Variants in LAPTM4A observed in about 807,000 individuals in gnomAD.
The protein encoded by LAPTM4A is lysosomal protein transmembrane 4 alpha, also known as lysosomal-associated transmembrane protein 4A.
In LAPTM4A, 19 loss-of-function variants were observed where a neutral mutation model predicts 29.9. The ratio of observed to expected loss-of-function variants is 0.64; its 90% CI spans 0.44 to 0.93. LAPTM4A has a LOEUF of 0.93. Ranked by LOEUF, LAPTM4A falls within the 40% of genes least tolerant of loss-of-function variation. The probability of loss-of-function intolerance (pLI) is 0.00; values close to 1 mark genes in which losing one functional copy is unlikely to be tolerated. For synonymous variants in LAPTM4A, 105 were observed against 102.1 expected, an observed-to-expected ratio of 1.03 and a Z score of -0.17; for missense variants, 293 against 288.5, an observed-to-expected ratio of 1.02 and a Z score of -0.11.
chr2:20,038,028 G>A (rs570294689), intron 2 of LAPTM4A, among the ~76,000 whole-genome samples: 1 of 152,154 alleles, frequency 6.6e-6, no homozygotes, highest in African/African-American at 2.4e-5. Flanking sequence ...AAAATATGAA[G>A]AAATGACACA....
chr2:20,041,530 G>T (rs190560286), intron 1 of LAPTM4A, among the ~76,000 whole-genome samples: 2 of 152,054 alleles, frequency 1.3e-5, no homozygotes, highest in African/African-American at 4.8e-5. Flanking sequence ...GTGTGTGTGT[G>T]TATGTGTATG....
chr2:20,047,779 A>G (rs1041386075), intron 1 of LAPTM4A, among the ~76,000 whole-genome samples: 1 of 152,106 alleles, frequency 6.6e-6, no homozygotes, highest in African/African-American at 2.4e-5. Context: ...AATGTTGTTA[A>G]TGGTTGAAGC....
intron 6 of LAPTM4A, among the ~76,000 whole-genome samples, 200 bp downstream of exon 6, chr2:20,034,117 A>G (rs1236643227): frequency 2.0e-5 from 3 of 152,156 alleles, no homozygotes; most frequent in African/African-American, 7.2e-5. Flanking sequence ...GCCAAACTGG[A>G]TGAGACAAGC....
chr2:20,047,945 T>C (rs889995886), intron 1 of LAPTM4A, among the ~76,000 whole-genome samples: 2 of 152,166 alleles, frequency 1.3e-5, no homozygotes, highest in African/African-American at 4.8e-5. Context: ...AAAACTTCCT[T>C]AGTTTAAGGA....
chr2:20,034,255 T>C (rs1673634635), intron 6 of LAPTM4A, 62 bp downstream of exon 6: 3 of 1,105,824 alleles, frequency 2.7e-6, no homozygotes, highest in Non-Finnish European at 4.2e-6. Flanking sequence ...AAGCTCCAGG[T>C]TCTTCTCCTG....
intron 1 of LAPTM4A, among the ~76,000 whole-genome samples, chr2:20,047,397 A>G (rs1229106831): frequency 2.1e-5 from 3 of 144,086 alleles, no homozygotes; most frequent in Non-Finnish European, 4.5e-5. Flanking sequence ...AAAAAAGAAA[A>G]AAAAAAAAAA....
chr2:20,033,024 C>G lies in LAPTM4A; in HGVS notation c.*181G>C. 1 of 582,972 alleles carries G rather than the reference C, an allele frequency of 1.7e-6. No individual in the cohort carries two copies. The highest frequency in any genetic ancestry group is 1.9e-5 in the African/African-American group (1 of 53,710). The allele number at this position is 582,972 out of a possible 1,614,324, so 36.1% of individuals were successfully genotyped here. ...AACTATTAAAATGTAAAAGACTTAA[C>G]AAAAAAACAAAAAGACGTTTAACAG... On this transcript the variant is annotated 3_prime_UTR_variant, in exon 7 of 7. Coordinates refer to ENST00000175091, the MANE Select transcript of LAPTM4A (RefSeq NM_014713.5).
At chr2:20,033,522 A>T (rs1673619019) in intron 6 of LAPTM4A, among the ~76,000 whole-genome samples, 1 of 152,164 alleles carries the variant, frequency 6.6e-6, no homozygotes, top group African/African-American at 2.4e-5. Flanking sequence ...CTTCTGGACA[A>T]GGATTCCTAG....
intron 4 of LAPTM4A, among the ~76,000 whole-genome samples, chr2:20,037,016 T>C (rs1473844698): frequency 6.6e-6 from 1 of 152,216 alleles, no homozygotes; most frequent in Non-Finnish European, 1.5e-5. Flanking sequence ...AAGAGTGCCA[T>C]ACACAGTCAA....
intron 1 of LAPTM4A, among the ~76,000 whole-genome samples, chr2:20,045,217 C>CTATG (rs1673892571): frequency 6.6e-6 from 1 of 152,184 alleles, no homozygotes. Context: ...AAATATCCAA[C>CTATG]TATGTACTAA....
At chr2:20,041,710 T>C (rs1673805608) in intron 1 of LAPTM4A, among the ~76,000 whole-genome samples, 1 of 152,200 alleles carries the variant, frequency 6.6e-6, no homozygotes, top group African/African-American at 2.4e-5. Flanking sequence ...GATTTTTGTA[T>C]TTTTAGTAGA....
Position 20,051,573 on chromosome 2 carries a change from C to G in LAPTM4A, c.-53G>C. The stretch of plus-strand genomic sequence containing the variant: ...GGGCCCCTGACAAACGTTCTCCACC[C>G]GCAGCCAAACTCAAACGGCTGTTTC... On this transcript the variant is annotated 5_prime_UTR_variant, in exon 1 of 7. Transcript: ENST00000175091. The G allele has an allele frequency of 8.5e-7, 1 of 1,176,404 alleles. No homozygotes were observed. The highest frequency in any genetic ancestry group is 1.2e-6 in the Non-Finnish European group (1 of 817,958). The allele number at this position is 1,176,404 out of a possible 1,614,324, so 72.9% of individuals were successfully genotyped here.
At position 20,041,622 on chromosome 2, in the gene LAPTM4A, C is replaced by T. The variant is rs1673803516; in HGVS notation, c.112-611G>A. Reference sequence around the variant, plus strand: ...GCAATCTCAGCTCACTGAAGCCTCCCCTTCCTAGGCTCATGTGATCCTCCC... The same window carrying T: ...GCAATCTCAGCTCACTGAAGCCTCCTCTTCCTAGGCTCATGTGATCCTCCC... On this transcript the variant is annotated intron_variant, in intron 1 of 6. Coordinates refer to ENST00000175091, the MANE Select transcript of LAPTM4A (RefSeq NM_014713.5). Among the ~76,000 whole-genome samples, 3 of 152,172 alleles carry T rather than the reference C, an allele frequency of 2.0e-5. No homozygotes were observed. In the South Asian group the frequency reaches 6.2e-4, roughly 32 times the overall value.
At chr2:20,049,105 C>T (rs1465263895) in intron 1 of LAPTM4A, among the ~76,000 whole-genome samples, 1 of 152,306 alleles carries the variant, frequency 6.6e-6, no homozygotes, top group African/African-American at 2.4e-5. Context: ...CATATCTGTG[C>T]TCCAAGTTTG....
chr2:20,036,160 A>C (rs937417744), intron 4 of LAPTM4A, among the ~76,000 whole-genome samples: 4 of 149,810 alleles, frequency 2.7e-5, no homozygotes, highest in African/African-American at 9.9e-5. Flanking sequence ...AGAGCCACAC[A>C]GAAGCCGCTG....
chr2:20,048,904 A>C (rs1440169069), intron 1 of LAPTM4A, among the ~76,000 whole-genome samples: 2 of 152,228 alleles, frequency 1.3e-5, no homozygotes, highest in African/African-American at 4.8e-5. Flanking sequence ...TTGCATCATA[A>C]GTGTTACATG....
intron 1 of LAPTM4A, among the ~76,000 whole-genome samples, chr2:20,047,243 C>A (rs1222965305): frequency 1.3e-5 from 2 of 150,178 alleles, no homozygotes; most frequent in African/African-American, 4.9e-5. Context: ...AAAAAATTAG[C>A]CCGACATGGT....
At position 20,040,946 on chromosome 2, in the gene LAPTM4A, A is replaced by G. The variant is rs751076411; in HGVS notation, c.177T>C (p.Ala59=). Residue 59 remains alanine, a synonymous_variant, in exon 2 of 7, where the codon GCT becomes GCC. Coordinates refer to ENST00000175091, the MANE Select transcript of LAPTM4A (RefSeq NM_014713.5). ...VEVTHPNSMP[A]VNIQYEVIGN... ...CGATGACTTCATACTGAATGTTGAC[A>G]GCTGGCATGGAGTTTGGATGAGTCA... The G allele has an allele frequency of 1.2e-6, 2 of 1,613,636 alleles. No homozygotes were observed. Among genetic ancestry groups the G allele is most frequent in the Admixed American group, 1.7e-5 (1 of 60,028 alleles).
At chr2:20,044,443 G>A (rs963145516) in intron 1 of LAPTM4A, among the ~76,000 whole-genome samples, 1 of 152,070 alleles carries the variant, frequency 6.6e-6, no homozygotes, top group Non-Finnish European at 1.5e-5. Flanking sequence ...AAACATTTAG[G>A]AGTTCTATTT....
Sources: allele counts gnomAD v4.1 joint callset (sites outside exome capture counted in the v4.1 genomes callset), GRCh38; gene constraint gnomAD v4.1.1; transcripts MANE v1.5; gene names NCBI Gene and HGNC (gene_info 2026-07-23, HGNC 2026-07-21).